Variants in CLEC4M observed in about 807,000 individuals in gnomAD.
CLEC4M encodes C-type lectin domain family 4 member M, also known as CD209 antigen-like protein 1.
Under a neutral mutation model 39.1 loss-of-function variants are expected in CLEC4M, and 25 were observed. That is an observed-to-expected ratio of 0.64 (90% CI 0.47 to 0.89). The LOEUF (loss-of-function observed/expected upper bound fraction) is 0.89. CLEC4M is among the 40% of genes least tolerant of loss of function. CLEC4M has a pLI of 0.00. For missense variants in CLEC4M, 353 were observed against 431.4 expected, an observed-to-expected ratio of 0.82 and a Z score of 1.61; for synonymous variants, 155 against 177.4, an observed-to-expected ratio of 0.87 and a Z score of 1.00.
Position 7,765,253 on chromosome 19 carries a change from G to T in CLEC4M, c.199G>T (p.Ala67Ser), listed in dbSNP as rs978394605. ...SFMLLAGVLV[A>S]ILVQVSKVPS... is the part of the protein sequence containing the mutation. Reference sequence around the variant, plus strand: ...CATGCTCTTGGCTGGGGTCCTGGTGGCCATCCTTGTCCAAGGTCAGGGGCA... The same window carrying T: ...CATGCTCTTGGCTGGGGTCCTGGTGTCCATCCTTGTCCAAGGTCAGGGGCA... The change falls in exon 3 of 7, where the codon GCC (alanine) becomes TCC (serine). Residue 67 changes from alanine to serine, a missense_variant. Ala to Ser is a moderately conservative substitution (Grantham distance 99). Transcript: ENST00000327325. 1.9e-6 allele frequency: 3 copies of T among 1,614,012 alleles called. No individual in the cohort carries two copies. Among genetic ancestry groups the T allele is most frequent in the Admixed American group, 1.7e-5 (1 of 60,000 alleles).
Position 7,765,736 on chromosome 19 carries a change from G to C in CLEC4M, c.313G>C (p.Glu105Gln). 2 of 1,614,214 alleles carry C rather than the reference G, an allele frequency of 1.2e-6. No individual in the cohort carries two copies. Among genetic ancestry groups the C allele is most frequent in the Non-Finnish European group, 1.7e-6 (2 of 1,180,034 alleles). Residue 105 changes from glutamate to glutamine, a missense_variant, in exon 4 of 7, where the codon GAG becomes CAG. Transcript: ENST00000327325. ...TAAAGCTGCAGTGGGTGAGCTCTCA[G>C]AGAAATCCAAGCTGCAGGAGATCTA... ...QLKAAVGELS[E>Q]KSKLQEIYQE...
At position 7,768,888 on chromosome 19, in the gene CLEC4M, A is replaced by C. The variant is rs1838785120; in HGVS notation, c.1100A>C (p.Asp367Ala). 1 of 1,614,158 alleles carries C rather than the reference A, an allele frequency of 6.2e-7. No individual in the cohort carries two copies. Among genetic ancestry groups the C allele is most frequent in the South Asian group, 1.1e-5 (1 of 91,086 alleles). ...SGEPNNSGNEDCAEFSGSGWN... is the reference protein window; with the variant it reads ...SGEPNNSGNEACAEFSGSGWN... Reference sequence around the variant, plus strand: ...GAACCCAACAATAGCGGGAATGAAGACTGTGCGGAATTTAGTGGCAGTGGC... The same window carrying C: ...GAACCCAACAATAGCGGGAATGAAGCCTGTGCGGAATTTAGTGGCAGTGGC... The change falls in exon 7 of 7, where the codon GAC becomes GCC. Residue 367 changes from aspartate to alanine, a missense_variant. By Grantham distance (126) the Asp-to-Ala change is moderately radical (BLOSUM62 -2). This residue lies in a region of CLEC4M where 196 missense variants were observed against 211.7 expected (regional missense o/e 0.93). Coordinates refer to ENST00000327325, the MANE Select transcript of CLEC4M (RefSeq NM_014257.5).
rs969549771 is a variant in CLEC4M, at chr19:7,765,517, A to G, written c.215-121A>G. ...CCTTCTCCAGGTGTCAGTTTTCCTCATCTTCAAAGGGGATTAACTGAGACC... is the reference window on the plus strand; with the variant it reads ...CCTTCTCCAGGTGTCAGTTTTCCTCGTCTTCAAAGGGGATTAACTGAGACC... On this transcript the variant is annotated intron_variant, in intron 3 of 6. Transcript: ENST00000327325. 2.0e-6 allele frequency: 3 copies of G among 1,478,424 alleles called. No individual in the cohort carries two copies. In the Admixed American group the frequency reaches 7.2e-5, roughly 35 times the overall value. The allele number at this position is 1,478,424 out of a possible 1,614,324, so 91.6% of individuals were successfully genotyped here. A position where few individuals can be genotyped will look rare whatever the true frequency, so the allele number is the denominator to read the frequency against.
chr19:7,766,794 C>T lies in CLEC4M; in HGVS notation c.923C>T (p.Thr308Ile), dbSNP rs368443100. The T allele has an allele frequency of 1.2e-6, 2 of 1,614,220 alleles. No homozygotes were observed. The highest frequency in any genetic ancestry group is 2.2e-5 in the South Asian group (2 of 91,086). The change falls in exon 5 of 7, where the codon ACT becomes ATT. Residue 308 changes from threonine to isoleucine, a missense_variant. By Grantham distance (89) the Thr-to-Ile change is moderately conservative. Around this residue, in one of 4 missense-constraint regions of CLEC4M, gnomAD observed 196 missense variants for 211.7 expected, o/e 0.93. Coordinates refer to ENST00000327325, the MANE Select transcript of CLEC4M (RefSeq NM_014257.5). ...AGGGCCCAGCTCGTCGTAATCAAAA[C>T]TGCTGAGGAGCAGGTACACGTGGTG... ...EVRAQLVVIK[T>I]AEEQNFLQLQ... is the part of the protein sequence containing the mutation.
chr19:7,767,460 T>C, intron 5 of CLEC4M, 56 bp from the exon 6 acceptor site: 5 of 1,366,330 alleles, frequency 3.7e-6, no homozygotes, highest in Non-Finnish European at 5.2e-6. Context: ...GACGGGGAGG[T>C]GGAACCTGGA....
rs143804375 is a variant in CLEC4M at position 7,767,584 on chromosome 19, G to C, written c.1005G>C (p.Gln335His). The C allele has an allele frequency of 1.9e-5, 31 of 1,614,190 alleles. No individual in the cohort carries two copies. The African/African-American group carries it at 4.0e-4, about 21-fold the overall frequency. Reference protein sequence around the residue: ...FSWMGLSDLNQEGTWQWVDGS... With the variant: ...FSWMGLSDLNHEGTWQWVDGS... Reference sequence around the variant, plus strand: ...GGATGGGACTTTCAGACCTAAATCAGGAAGGCACGTGGCAATGGGTGGACG... The same window carrying C: ...GGATGGGACTTTCAGACCTAAATCACGAAGGCACGTGGCAATGGGTGGACG... Residue 335 changes from glutamine to histidine, a missense_variant, in exon 6 of 7, where the codon CAG becomes CAC. This residue lies in a region of CLEC4M where 196 missense variants were observed against 211.7 expected (regional missense o/e 0.93). Transcript: ENST00000327325.
In CLEC4M at chr19:7,767,837, A is replaced by G. The variant is rs1049777779; in HGVS notation, c.1049+209A>G. The stretch of plus-strand genomic sequence containing the variant: ...ATTCCACCAGCAGAGCTGCAGGAGG[A>G]GCTTGCCCTGTGGGTAGGTGTGTTA... On this transcript the variant is annotated intron_variant, in intron 6 of 6. Transcript: ENST00000327325. 8.6e-5 allele frequency: 47 copies of G among 546,928 alleles called. No homozygotes were observed. In the African/African-American group the frequency reaches 8.8e-4, roughly 10 times the overall value. 33.9% of individuals were successfully genotyped at this position (546,928 alleles called of 1,614,324 possible).
intron 2 of CLEC4M, among the ~76,000 whole-genome samples, chr19:7,764,283 A>T (rs1327615135): frequency 6.6e-6 from 1 of 151,960 alleles, no homozygotes; most frequent in African/African-American, 2.4e-5. Context: ...TTCAATTGAG[A>T]CATGCATTAC....
In CLEC4M at chr19:7,766,061, C is replaced by T. The variant is rs759847567; in HGVS notation, c.638C>T (p.Ala213Val). Residue 213 changes from alanine (A) to valine (V), a missense_variant, in exon 4 of 7, where the codon GCT becomes GTT. Ala to Val is a moderately conservative substitution (Grantham distance 64). Coordinates refer to ENST00000327325, the MANE Select transcript of CLEC4M (RefSeq NM_014257.5). Reference sequence around the variant, plus strand: ...TACCAGGAGCTGACGGAGCTGAAGGCTGCAGTGGGTGAGTTGCCAGAGAAA... The same window carrying T: ...TACCAGGAGCTGACGGAGCTGAAGGTTGCAGTGGGTGAGTTGCCAGAGAAA... ...EIYQELTELK[A>V]AVGELPEKSK... The T allele has an allele frequency of 1.3e-6, 2 of 1,568,988 alleles. No homozygotes were observed. The highest frequency in any genetic ancestry group is 4.5e-5 in the East Asian group (2 of 44,718).
chr19:7,763,602 T>A, intron 2 of CLEC4M, 126 bp downstream of exon 2: 1 of 751,406 alleles, frequency 1.3e-6, no homozygotes. Context: ...CCTGGGTTCC[T>A]GGGTCCTGAA....
In CLEC4M at chr19:7,763,253, G is replaced by A; in HGVS notation, c.-14G>A. 2 of 1,586,140 alleles carry A rather than the reference G, an allele frequency of 1.3e-6. No individual in the cohort carries two copies. Among genetic ancestry groups the A allele is most frequent in the South Asian group, 1.2e-5 (1 of 85,684 alleles). ...TCCCCAGGAGTCCTGAACATCTGGG[G>A]ACAGCGGGAAAACATGAGTGACTCC... is the stretch of plus-strand genomic sequence containing the variant. On this transcript the variant is annotated 5_prime_UTR_variant, in exon 1 of 7. Coordinates refer to ENST00000327325, the MANE Select transcript of CLEC4M (RefSeq NM_014257.5).
At chr19:7,767,183 G>T in intron 5 of CLEC4M, 1 of 425,258 alleles carries the variant, frequency 2.4e-6, no homozygotes. Flanking sequence ...AAGGAGATGT[G>T]CTGGACCAGC....
chr19:7,768,891 G>A lies in CLEC4M; in HGVS notation c.1103G>A (p.Cys368Tyr). The A allele has an allele frequency of 6.2e-7, 1 of 1,614,204 alleles. No homozygotes were observed. Among genetic ancestry groups the A allele is most frequent in the Non-Finnish European group, 8.5e-7 (1 of 1,180,022 alleles). ...CCCAACAATAGCGGGAATGAAGACT[G>A]TGCGGAATTTAGTGGCAGTGGCTGG... ...GEPNNSGNED[C>Y]AEFSGSGWND... is the part of the protein sequence containing the mutation. The change falls in exon 7 of 7, where the codon TGT becomes TAT. Residue 368 changes from cysteine to tyrosine, a missense_variant. By Grantham distance (194) the Cys-to-Tyr change is radical. Around this residue, in one of 4 missense-constraint regions of CLEC4M, gnomAD observed 196 missense variants for 211.7 expected, o/e 0.93. Transcript: ENST00000327325.
intron 4 of CLEC4M, 154 bp downstream of exon 4, chr19:7,766,361 G>A: frequency 6.7e-7 from 1 of 1,482,788 alleles, no homozygotes; most frequent in African/African-American, 1.4e-5. Context: ...TGTTCACAGT[G>A]GGCCAGGCAC....
rs766312087 is a variant in CLEC4M at position 7,765,600 on chromosome 19, G to T, written c.215-38G>T. The T allele has an allele frequency of 7.4e-6, 12 of 1,613,028 alleles. No individual in the cohort carries two copies. In the Middle Eastern group the frequency reaches 5.0e-4, roughly 67 times the overall value. ...CAGTTCAGGGCTTGGCACACAGTAG[G>T]TGTTTAATAATTGCAGTTCCTTTTC... On this transcript the variant is annotated intron_variant, in intron 3 of 6. Coordinates refer to ENST00000327325, the MANE Select transcript of CLEC4M (RefSeq NM_014257.5).
chr19:7,765,671 A>C lies in CLEC4M; in HGVS notation c.248A>C (p.Gln83Pro), dbSNP rs2034227539. The part of the protein sequence containing the change: ...SKVPSSLSQE[Q>P]SEQDAIYQNL... ...GTCCCCAGCTCCCTAAGTCAGGAACAATCCGAGCAAGACGCAATCTACCAG... is the reference window on the plus strand; with the variant it reads ...GTCCCCAGCTCCCTAAGTCAGGAACCATCCGAGCAAGACGCAATCTACCAG... Residue 83 changes from glutamine (Q) to proline (P), a missense_variant, in exon 4 of 7, where the codon CAA (glutamine) becomes CCA (proline). This residue lies in a region of CLEC4M where 48 missense variants were observed against 64.8 expected (regional missense o/e 0.74). Coordinates refer to ENST00000327325, the MANE Select transcript of CLEC4M (RefSeq NM_014257.5). 1 of 1,614,170 alleles carries C rather than the reference A, an allele frequency of 6.2e-7. No individual in the cohort carries two copies. Among genetic ancestry groups the C allele is most frequent in the Non-Finnish European group, 8.5e-7 (1 of 1,180,060 alleles).
intron 4 of CLEC4M, 140 bp from the exon 5 acceptor site, chr19:7,766,516 G>T: frequency 5.9e-6 from 9 of 1,515,130 alleles, no homozygotes; most frequent in Non-Finnish European, 7.0e-6. Flanking sequence ...GGAGAGGAAT[G>T]GTCTCTCCCC....
In CLEC4M at chr19:7,767,554, C is replaced by G. The variant is rs757532710; in HGVS notation, c.975C>G (p.Phe325Leu). 9.9e-6 allele frequency: 16 copies of G among 1,614,234 alleles called. No individual in the cohort carries two copies. The highest frequency in any genetic ancestry group is 1.3e-5 in the Non-Finnish European group (15 of 1,180,036). Residue 325 changes from phenylalanine (F) to leucine (L), a missense_variant, in exon 6 of 7, where the codon TTC (phenylalanine) becomes TTG (leucine). Physicochemically the swap from Phe to Leu is conservative, Grantham distance 22 (BLOSUM62 0). Coordinates refer to ENST00000327325, the MANE Select transcript of CLEC4M (RefSeq NM_014257.5). ...LQLQTSRSNR[F>L]SWMGLSDLNQ... The stretch of plus-strand genomic sequence containing the variant: ...TGCAGACTTCCAGGAGTAACCGCTT[C>G]TCCTGGATGGGACTTTCAGACCTAA...
chr19:7,764,379 C>T (rs1386041775), intron 2 of CLEC4M, among the ~76,000 whole-genome samples: 1 of 152,142 alleles, frequency 6.6e-6, no homozygotes, highest in Non-Finnish European at 1.5e-5. Context: ...GCTAGAGAAA[C>T]AGGGTCTTCA....
Sources: allele counts gnomAD v4.1 joint callset (sites outside exome capture counted in the v4.1 genomes callset), GRCh38; gene constraint gnomAD v4.1.1; regional missense constraint gnomAD v4.1.1; transcripts MANE v1.5; gene names NCBI Gene and HGNC (gene_info 2026-07-23, HGNC 2026-07-21).